Variants in LRFN2 observed in about 807,000 individuals in gnomAD.
The protein encoded by LRFN2 is leucine rich repeat and fibronectin type III domain containing 2, also known as leucine-rich repeat and fibronectin type-III domain-containing protein 2.
Under a neutral mutation model 37.3 loss-of-function variants are expected in LRFN2, and 18 were observed. The observed-to-expected ratio is 0.48, with a 90% CI of 0.33 to 0.72. The LOEUF is 0.72. Among genes scored for constraint, LRFN2 ranks in the 30% least tolerant of loss-of-function variants. LRFN2 has a pLI of 0.02. For missense variants in LRFN2, 1,006 were observed against 1,060.7 expected (o/e 0.95, Z 0.72); for synonymous variants, 556 against 466.6 (o/e 1.19, Z -2.47).
intron 1 of LRFN2, chr6:40,516,555 A>G (rs1392928096): frequency 2.0e-5 from 3 of 152,146 alleles, no homozygotes; most frequent in Non-Finnish European, 4.4e-5. Context: ...AATTTGCAGG[A>G]ATCTCTAGTT....
Position 40,520,950 on chromosome 6 carries a change from C to A in LRFN2, c.-19+65991G>T, listed in dbSNP as rs78146617. On this transcript the variant is annotated intron_variant, in intron 1 of 2. Transcript: ENST00000338305. ...CCAGGCAAGCTGAGAGTTAGAGGAC[C>A]AATGACATACGCACTGGAACAAACA... 1.4e-3 allele frequency among the ~76,000 whole-genome samples: 217 copies of A among 152,128 alleles called. 7 individuals are homozygous for A. In the East Asian group the frequency reaches 0.034, roughly 24 times the overall value.
intron 2 of LRFN2, among the ~76,000 whole-genome samples, chr6:40,410,636 TGC>T: frequency 6.6e-6 from 1 of 152,252 alleles, no homozygotes; most frequent in Non-Finnish European, 1.5e-5. Context: ...ATATAGTGAA[TGC>T]TTACATACTT....
intron 1 of LRFN2, among the ~76,000 whole-genome samples, chr6:40,506,702 CTT>C (rs1292015521): frequency 1.3e-5 from 2 of 152,154 alleles, no homozygotes; most frequent in East Asian, 3.9e-4. Flanking sequence ...GAAGATGTCT[CTT>C]CCAATATGTC....
In LRFN2 at chr6:40,432,723, C is replaced by T. The variant is rs148439555; in HGVS notation, c.391G>A (p.Val131Met). Residue 131 changes from valine (V) to methionine (M), a missense_variant, in exon 2 of 3, where the codon GTG becomes ATG. Transcript: ENST00000338305. ...ATGCCGCCCAGCTGGTTGTTGTTCACGATAAGGTGCTGCAGGTTGACCAGG... is the reference window on the plus strand; with the variant it reads ...ATGCCGCCCAGCTGGTTGTTGTTCATGATAAGGTGCTGCAGGTTGACCAGG... ...RGLVNLQHLI[V>M]NNNQLGGIAD... 3.2e-5 allele frequency: 52 copies of T among 1,614,148 alleles called. No homozygotes were observed. In the African/African-American group the frequency reaches 4.1e-4, roughly 13 times the overall value.
intron 1 of LRFN2, among the ~76,000 whole-genome samples, chr6:40,585,703 A>G (rs117286689): frequency 6.6e-6 from 1 of 152,092 alleles, no homozygotes; most frequent in African/African-American, 2.4e-5. Context: ...AGGGAATGGC[A>G]GTTTCCTCCC....
intron 1 of LRFN2, among the ~76,000 whole-genome samples, chr6:40,483,555 G>A (rs867652893): frequency 6.6e-6 from 1 of 152,226 alleles, no homozygotes; most frequent in Non-Finnish European, 1.5e-5. Context: ...CTTATTGTGT[G>A]CCAGTCTCTA....
intron 1 of LRFN2, among the ~76,000 whole-genome samples, chr6:40,485,102 A>G (rs1246641034): frequency 6.6e-6 from 1 of 152,188 alleles, no homozygotes; most frequent in Non-Finnish European, 1.5e-5. Flanking sequence ...TCTTTGGTTT[A>G]TTATTCTAGC....
At chr6:40,490,927 C>T (rs535260741) in intron 1 of LRFN2, among the ~76,000 whole-genome samples, 2 of 152,262 alleles carry the variant, frequency 1.3e-5, no homozygotes, top group African/African-American at 4.8e-5. Context: ...ATCCTTGTCT[C>T]GTCCGGATAT....
intron 1 of LRFN2, among the ~76,000 whole-genome samples, chr6:40,544,007 C>T (rs1408734509): frequency 6.6e-6 from 1 of 152,228 alleles, no homozygotes; most frequent in African/African-American, 2.4e-5. Context: ...CAGGGACTGG[C>T]ATGTCTGGCT....
At chr6:40,414,115 C>A (rs1763040527) in intron 2 of LRFN2, among the ~76,000 whole-genome samples, 1 of 152,244 alleles carries the variant, frequency 6.6e-6, no homozygotes, top group African/African-American at 2.4e-5. Context: ...GAATCTGGCC[C>A]TGCCAGCTCC....
chr6:40,407,668 G>A (rs914863985), intron 2 of LRFN2, among the ~76,000 whole-genome samples: 14 of 152,202 alleles, frequency 9.2e-5, no homozygotes, highest in African/African-American at 2.9e-4. Flanking sequence ...AAACACAGAC[G>A]TGTGCAAAGT....
chr6:40,469,674 G>A (rs1178321907), intron 1 of LRFN2, among the ~76,000 whole-genome samples: 1 of 152,178 alleles, frequency 6.6e-6, no homozygotes, highest in Non-Finnish European at 1.5e-5. Flanking sequence ...CCAGGTCAGG[G>A]CATATCTGCT....
intron 1 of LRFN2, among the ~76,000 whole-genome samples, chr6:40,514,296 T>G (rs946730737): frequency 6.6e-6 from 1 of 152,110 alleles, no homozygotes; most frequent in Non-Finnish European, 1.5e-5. Context: ...GTAATACATA[T>G]GTTATATGAG....
At chr6:40,542,739 C>T (rs1249692508) in intron 1 of LRFN2, among the ~76,000 whole-genome samples, 1 of 152,226 alleles carries the variant, frequency 6.6e-6, no homozygotes, top group Admixed American at 6.5e-5. Flanking sequence ...CTACCTCTCC[C>T]TCTCTTAGCT....
chr6:40,504,856 A>G (rs1765490226), intron 1 of LRFN2, among the ~76,000 whole-genome samples: 1 of 152,240 alleles, frequency 6.6e-6, no homozygotes, highest in Non-Finnish European at 1.5e-5. Flanking sequence ...AAGGCACACT[A>G]GGGAGCTGTG....
At chr6:40,478,491 A>T (rs974297996) in intron 1 of LRFN2, among the ~76,000 whole-genome samples, 2 of 152,218 alleles carry the variant, frequency 1.3e-5, no homozygotes, top group African/African-American at 4.8e-5. Context: ...AGGAACAGTG[A>T]GGTTGAGCAA....
chr6:40,407,132 AGCCAACCCAG>A (rs2113801696), intron 2 of LRFN2, among the ~76,000 whole-genome samples: 1 of 152,360 alleles, frequency 6.6e-6, no homozygotes, highest in South Asian at 2.1e-4. Flanking sequence ...CTGCAGGCTC[AGCCAACCCAG>A]GCAAGCTCTT....
chr6:40,543,691 G>A (rs1451679314), intron 1 of LRFN2, among the ~76,000 whole-genome samples: 1 of 152,224 alleles, frequency 6.6e-6, no homozygotes, highest in African/African-American at 2.4e-5. Context: ...TCCTGAGCGG[G>A]AAGCAGCTGC....
intron 1 of LRFN2, among the ~76,000 whole-genome samples, chr6:40,565,998 C>T (rs1469632181): frequency 1.3e-5 from 2 of 152,006 alleles, no homozygotes; most frequent in South Asian, 2.1e-4. Context: ...TGACAAAGGG[C>T]TAATATCCAG....
Sources: gnomAD v4.1 joint callset for allele counts (sites outside exome capture counted in the v4.1 genomes callset) on GRCh38, gnomAD v4.1.1 for gene constraint, MANE v1.5 for transcripts, NCBI Gene and HGNC (gene_info 2026-07-23, HGNC 2026-07-21) for gene names.